Variants in AKAP6 observed in about 807,000 individuals in gnomAD.
AKAP6 encodes A-kinase anchor protein 6.
Under a neutral mutation model 188.5 loss-of-function variants are expected in AKAP6, and 58 were observed. The ratio of observed to expected loss-of-function variants is 0.31; its 90% CI spans 0.25 to 0.38. The LOEUF is 0.38. Ranked by LOEUF, AKAP6 falls within the 10% of genes least tolerant of loss-of-function variation. The pLI is 1.00. For missense variants in AKAP6, 2,710 were observed against 2,740.0 expected (o/e 0.99, Z 0.24); for synonymous variants, 989 against 998.6 (o/e 0.99, Z 0.18).
At chr14:32,706,011 G>GGAAATGCAGCCCTACCATGTGCCT (rs1404709867) in intron 9 of AKAP6, among the ~76,000 whole-genome samples, 5 of 152,244 alleles carry the variant, frequency 3.3e-5, no homozygotes, top group Admixed American at 2.0e-4. Flanking sequence ...AGTAGATGGG[G>GGAAATGCAGCCCTACCATGTGCCT]GAAATGCAGC....
rs544997334 is a variant in AKAP6 at position 32,769,037 on chromosome 14, ATTTT to A, written c.3373-4617_3373-4614del. Among the ~76,000 whole-genome samples the A allele has an allele frequency of 1.1e-3, 61 of 56,922 alleles. No individual in the cohort carries two copies. In the South Asian group the frequency reaches 0.014, roughly 13 times the overall value. The allele number at this position is 56,922 out of a possible 152,430, so 37.3% of individuals were successfully genotyped here. ...ACTAGGGGATGCAGCTGCTCTTTTGATTTTTTTTTTTTTTTTTTTTTTTTTTTGA... is the reference window on the plus strand; with the variant it reads ...ACTAGGGGATGCAGCTGCTCTTTTGATTTTTTTTTTTTTTTTTTTTTTTGA... On this transcript the variant is annotated intron_variant, in intron 11 of 13. Coordinates refer to ENST00000280979, the MANE Select transcript of AKAP6 (RefSeq NM_004274.5).
At chr14:32,563,592 C>T (rs1884054000) in intron 4 of AKAP6, among the ~76,000 whole-genome samples, 1 of 152,118 alleles carries the variant, frequency 6.6e-6, no homozygotes, top group Admixed American at 6.5e-5. Flanking sequence ...CTTCAGCCAC[C>T]TTGGTTATCA....
At chr14:32,453,627 C>A in intron 2 of AKAP6, among the ~76,000 whole-genome samples, 1 of 91,654 alleles carries the variant, frequency 1.1e-5, no homozygotes, top group African/African-American at 4.3e-5. Context: ...GACGGAGTCT[C>A]GTTCTGTCGC....
chr14:32,599,134 C>G (rs986703459), intron 5 of AKAP6, among the ~76,000 whole-genome samples: 2 of 152,164 alleles, frequency 1.3e-5, no homozygotes, highest in African/African-American at 4.8e-5. Flanking sequence ...TAGAACACTG[C>G]TACTCTTGAT....
intron 1 of AKAP6, among the ~76,000 whole-genome samples, chr14:32,343,114 G>A (rs1886942276): frequency 6.6e-6 from 1 of 152,140 alleles, no homozygotes; most frequent in African/African-American, 2.4e-5. Flanking sequence ...TTGGGCTTGG[G>A]GCCAGTTAGA....
At chr14:32,544,547 T>C (rs949239448) in intron 3 of AKAP6, among the ~76,000 whole-genome samples, 1 of 152,060 alleles carries the variant, frequency 6.6e-6, no homozygotes, top group Non-Finnish European at 1.5e-5. Context: ...CAAACACCAG[T>C]GGGAGCAGGA....
chr14:32,520,448 A>G (rs1005415105), intron 2 of AKAP6, among the ~76,000 whole-genome samples: 2 of 152,226 alleles, frequency 1.3e-5, no homozygotes, highest in African/African-American at 4.8e-5. Context: ...ATAGATCGCT[A>G]GCAAGACTAA....
In AKAP6 at chr14:32,821,838, G is replaced by A; in HGVS notation, c.4025G>A (p.Gly1342Asp). 6.2e-7 allele frequency: 1 copy of A among 1,613,816 alleles called. No individual in the cohort carries two copies. The highest frequency in any genetic ancestry group is 8.5e-7 in the Non-Finnish European group (1 of 1,179,954). Residue 1342 changes from glycine (G) to aspartate (D), a missense_variant, in exon 13 of 14, where the codon GGT (glycine) becomes GAT (aspartate). Gly to Asp is a moderately conservative substitution (Grantham distance 94). This residue lies in a region of AKAP6 where 2,473 missense variants were observed against 2,426.1 expected (regional missense o/e 1.02). Transcript: ENST00000280979. ...STKSLPDLLG[G>D]SNLVKPCACH... is the part of the protein sequence containing the mutation. ...AAATCTTTGCCAGATCTTCTAGGTG[G>A]TTCCAATTTGGTAAAGCCCTGCGCA...
At chr14:32,360,438 T>C (rs1260960476) in intron 1 of AKAP6, among the ~76,000 whole-genome samples, 1 of 152,110 alleles carries the variant, frequency 6.6e-6, no homozygotes, top group Non-Finnish European at 1.5e-5. Context: ...ATCCTCTTTT[T>C]CCTAAAAATT....
Position 32,824,244 on chromosome 14 carries a change from C to T in AKAP6, c.6431C>T (p.Ser2144Leu), listed in dbSNP as rs535709286. The change falls in exon 13 of 14, where the codon TCG (serine) becomes TTG (leucine). Residue 2144 changes from serine to leucine, a missense_variant. Physicochemically the swap from Ser to Leu is moderately radical, Grantham distance 145 (BLOSUM62 -2). Around this residue, in one of 2 missense-constraint regions of AKAP6, gnomAD observed 2,473 missense variants for 2,426.1 expected, o/e 1.02. Transcript: ENST00000280979. ...CCATTGCCACTAGACACCACTGACT[C>T]GGGCTTAGATGACAAGGAAGATATT... ...STPLPLDTTDSGLDDKEDIEC... is the reference protein window; with the variant it reads ...STPLPLDTTDLGLDDKEDIEC... The T allele has an allele frequency of 1.1e-5, 18 of 1,613,926 alleles. No individual in the cohort carries two copies. The East Asian group carries it at 1.8e-4, about 16-fold the overall frequency.
intron 9 of AKAP6, among the ~76,000 whole-genome samples, chr14:32,711,008 A>G (rs915167035): frequency 2.0e-5 from 3 of 152,038 alleles, no homozygotes; most frequent in African/African-American, 7.2e-5. Flanking sequence ...TGCCTAAACT[A>G]TTTACTATCT....
At position 32,735,868 on chromosome 14, in the gene AKAP6, C is replaced by G. The variant is rs1350278058; in HGVS notation, c.3358C>G (p.Leu1120Val). The change falls in exon 11 of 14, where the codon CTG (leucine) becomes GTG (valine). Residue 1120 changes from leucine to valine, a missense_variant. This residue lies in a region of AKAP6 where 2,473 missense variants were observed against 2,426.1 expected (regional missense o/e 1.02). Coordinates refer to ENST00000280979, the MANE Select transcript of AKAP6 (RefSeq NM_004274.5). ...KEGTMNTEKQ[L>V]QYFKSLCREI... Reference sequence around the variant, plus strand: ...AGGAACAATGAATACTGAGAAACAACTGCAATACTTTAAGGTAATAAAAAA... The same window carrying G: ...AGGAACAATGAATACTGAGAAACAAGTGCAATACTTTAAGGTAATAAAAAA... 1 of 1,604,950 alleles carries G rather than the reference C, an allele frequency of 6.2e-7. No individual in the cohort carries two copies. The highest frequency in any genetic ancestry group is 2.2e-5 in the East Asian group (1 of 44,794).
intron 12 of AKAP6, among the ~76,000 whole-genome samples, chr14:32,817,351 A>G (rs1009548345): frequency 2.0e-5 from 3 of 152,146 alleles, no homozygotes; most frequent in Admixed American, 6.5e-5. Context: ...CTTTCTCTGT[A>G]TATGTTGTGC....
At chr14:32,343,459 C>T (rs531851139) in intron 1 of AKAP6, among the ~76,000 whole-genome samples, 1 of 152,038 alleles carries the variant, frequency 6.6e-6, no homozygotes, top group South Asian at 2.1e-4. Flanking sequence ...ATAATCTACT[C>T]CAGCTGCCCT....
Position 32,433,589 on chromosome 14 carries a change from C to T in AKAP6, c.96C>T (p.Pro32=). 1 of 1,614,136 alleles carries T rather than the reference C, an allele frequency of 6.2e-7. No homozygotes were observed. Among genetic ancestry groups the T allele is most frequent in the South Asian group, 1.1e-5 (1 of 91,068 alleles). The change falls in exon 2 of 14, where the codon CCC becomes CCT. Residue 32 remains proline (P), a synonymous_variant. Transcript: ENST00000280979. ...CACCCATGGCCATCAACATGACACC[C>T]ACTGTGGAGCAGGGTGAGGGAGAAG... ...DASPMAINMT[P]TVEQGEGEEA...
intron 12 of AKAP6, among the ~76,000 whole-genome samples, chr14:32,797,210 A>G (rs897994207): frequency 6.6e-6 from 1 of 152,182 alleles, no homozygotes; most frequent in Non-Finnish European, 1.5e-5. Flanking sequence ...ATTGTGGAAG[A>G]CAGTGTGGCA....
At chr14:32,765,292 G>T (rs1251091685) in intron 11 of AKAP6, among the ~76,000 whole-genome samples, 1 of 152,060 alleles carries the variant, frequency 6.6e-6, no homozygotes, top group East Asian at 1.9e-4. Flanking sequence ...TTTTGTATTG[G>T]TTCAGATGCA....
chr14:32,781,955 G>A (rs2033264466), intron 12 of AKAP6, among the ~76,000 whole-genome samples: 2 of 152,076 alleles, frequency 1.3e-5, no homozygotes, highest in Admixed American at 6.5e-5. Context: ...TTGAGGCCAG[G>A]AGTTCGAGAC....
chr14:32,446,600 ATC>A (rs979590277), intron 2 of AKAP6, among the ~76,000 whole-genome samples: 11 of 103,290 alleles, frequency 1.1e-4, no homozygotes, highest in Admixed American at 7.7e-4. Flanking sequence ...GCTAGTAGAC[ATC>A]TGTTTTTTTT....
Sources: allele counts gnomAD v4.1 joint callset (sites outside exome capture counted in the v4.1 genomes callset), GRCh38; gene constraint gnomAD v4.1.1; regional missense constraint gnomAD v4.1.1; transcripts MANE v1.5; gene names NCBI Gene and HGNC (gene_info 2026-07-23, HGNC 2026-07-21).